SYN1: variants seen among roughly 807,000 people sequenced by gnomAD.
SYN1 encodes the protein synapsin I.
SYN1 carries 8 observed loss-of-function variants against 44.6 expected under a neutral mutation model. The observed-to-expected ratio is 0.18, with a 90% CI of 0.11 to 0.32. The LOEUF is 0.32. Among genes scored for constraint, SYN1 ranks in the 10% least tolerant of loss-of-function variants. The probability of loss-of-function intolerance (pLI) is 1.00; values close to 1 mark genes in which losing one functional copy is unlikely to be tolerated. For missense variants in SYN1, 451 were observed against 639.4 expected (o/e 0.71, Z 3.18); for synonymous variants, 275 against 280.1 (o/e 0.98, Z 0.18).
intron 1 of SYN1, among the ~76,000 whole-genome samples, chrX:47,611,824 C>A (rs190545869): frequency 5.3e-4 from 59 of 111,584 alleles, no homozygotes; most frequent in Admixed American, 5.2e-3. Flanking sequence ...TTTTAGGAAT[C>A]CAGTGGTCCA....
At position 47,575,215 on chromosome X, in the gene SYN1, G is replaced by C. The variant is rs1482108269; in HGVS notation, c.1218C>G (p.Ile406Met). Residue 406 changes from isoleucine to methionine, a missense_variant, in exon 10 of 13, where the codon ATC (isoleucine) becomes ATG (methionine). Ile to Met is a conservative substitution (Grantham distance 10). This residue lies in a region of SYN1 where 315 missense variants were observed against 451.4 expected (regional missense o/e 0.70). Coordinates refer to ENST00000295987, the MANE Select transcript of SYN1 (RefSeq NM_006950.3). Reference sequence around the variant, plus strand: ...CCATCTTGTTGACCACGAGCTCTACGATGAGCTGTTTGTCTTCATCCTGGT... The same window carrying C: ...CCATCTTGTTGACCACGAGCTCTACCATGAGCTGTTTGTCTTCATCCTGGT... ...GDHQDEDKQL[I>M]VELVVNKMAQ... is the part of the protein sequence containing the mutation. The C allele has an allele frequency of 3.3e-6, 4 of 1,206,017 alleles. No homozygotes were observed. The highest frequency in any genetic ancestry group is 4.5e-6 in the Non-Finnish European group (4 of 892,511).
intron 5 of SYN1, among the ~76,000 whole-genome samples, chrX:47,584,654 A>G (rs1427739834): frequency 8.9e-6 from 1 of 112,223 alleles, no homozygotes; most frequent in African/African-American, 3.2e-5. Context: ...TGTCCCTAAC[A>G]CCCAGAACAA....
chrX:47,576,736 TGAGGC>T (rs1409157890), intron 6 of SYN1, 96 bp from the exon 7 acceptor site: 11 of 1,096,324 alleles, frequency 1.0e-5, no homozygotes, highest in Non-Finnish European at 1.4e-5. Flanking sequence ...GACACACAGG[TGAGGC>T]GAGTACACAA....
In SYN1 at chrX:47,606,748, TA is replaced by T. The variant is rs200554334; in HGVS notation, c.527+196del. Among the ~76,000 whole-genome samples the T allele has an allele frequency of 4.1e-3, 404 of 98,861 alleles. 4 individuals carry two copies. The highest frequency in any genetic ancestry group is 0.015 in the African/African-American group (364 of 24,000). 85.8% of individuals were successfully genotyped at this position (98,861 alleles called of 115,157 possible). On this transcript the variant is annotated intron_variant, in intron 3 of 12. Coordinates refer to ENST00000295987, the MANE Select transcript of SYN1 (RefSeq NM_006950.3). ...TGTCTGAAATATATATATATATATA[TA>T]TATTTTTTTTTAAAGTCTGACTTGT...
chrX:47,613,738 C>A (rs1445673694), intron 1 of SYN1, among the ~76,000 whole-genome samples: 1 of 111,477 alleles, frequency 9.0e-6, no homozygotes, highest in East Asian at 2.8e-4. Context: ...GTATTACACA[C>A]CACGCCACCC....
rs759597155 is a variant in SYN1, at chrX:47,577,424, C to T, written c.837+15G>A. Reference sequence around the variant, plus strand: ...AATACACATCTACCTATGCACAGCCCAGCCAGAGACTCACCTTGCCCATCC... The same window carrying T: ...AATACACATCTACCTATGCACAGCCTAGCCAGAGACTCACCTTGCCCATCC... On this transcript the variant is annotated intron_variant, in intron 6 of 12. Transcript: ENST00000295987. 7 of 1,202,795 alleles carry T rather than the reference C, an allele frequency of 5.8e-6. No homozygotes were observed. The highest frequency in any genetic ancestry group is 2.3e-4 in the Middle Eastern group (1 of 4,367).
At position 47,574,671 on chromosome X, in the gene SYN1, G is replaced by A. The variant is rs752041821; in HGVS notation, c.1393+17C>T. On this transcript the variant is annotated intron_variant, in intron 11 of 12. Coordinates refer to ENST00000295987, the MANE Select transcript of SYN1 (RefSeq NM_006950.3). ...CGGGCTGAGGGAGGGGACTGCGACC[G>A]CCAGCCTCTCGCTTACCCTGTGGTG... 39 of 1,169,788 alleles carry A rather than the reference G, an allele frequency of 3.3e-5. No homozygotes were observed. The highest frequency in any genetic ancestry group is 4.5e-5 in the Non-Finnish European group (39 of 872,155).
chrX:47,584,664 A>G (rs2057815034), intron 5 of SYN1, among the ~76,000 whole-genome samples: 1 of 112,334 alleles, frequency 8.9e-6, no homozygotes, highest in South Asian at 3.6e-4. Flanking sequence ...ACCCAGAACA[A>G]TGTCTGGCAC....
At chrX:47,606,810 A>C in intron 3 of SYN1, 135 bp downstream of exon 3, 1 of 589,953 alleles carries the variant, frequency 1.7e-6, no homozygotes, top group Non-Finnish European at 2.7e-6. Context: ...TTCTGAAGAA[A>C]AGTTGTCTCC....
intron 1 of SYN1, among the ~76,000 whole-genome samples, chrX:47,607,521 C>T (rs144700021): frequency 0.017 from 1,841 of 110,552 alleles, 48 homozygotes; most frequent in African/African-American, 0.057. Context: ...ATTAGCAGCA[C>T]TATGTAAATT....
At position 47,575,169 on chromosome X, in the gene SYN1, G is replaced by T. The variant is rs757027813; in HGVS notation, c.1264C>A (p.Arg422=). 27 of 1,192,763 alleles carry T rather than the reference G, an allele frequency of 2.3e-5. No homozygotes were observed. The South Asian group carries it at 3.7e-4, about 16-fold the overall frequency. Residue 422 remains arginine (R), a synonymous_variant, in exon 10 of 13, where the codon CGA becomes AGA. Transcript: ENST00000295987. ...CTGCCAGGGGAGGCATCCCGCTGTC[G>T]CTGCCGGGGCAGGGCCTGAGCCATC... ...NKMAQALPRQ[R]QRDASPGRGS...
rs2057893152 is a variant in SYN1, at chrX:47,605,329, G to A, written c.578C>T (p.Ala193Val). ...CAAACTGCGGTAGTCTCCGTTGCGT[G>A]CCATGCTGAAGGCGTGCTGGCGGAT... is the stretch of plus-strand genomic sequence containing the variant. ...VLIRQHAFSM[A>V]RNGDYRSLVI... Residue 193 changes from alanine to valine, a missense_variant, in exon 4 of 13, where the codon GCA (alanine) becomes GTA (valine). Around this residue, in one of 3 missense-constraint regions of SYN1, gnomAD observed 315 missense variants for 451.4 expected, o/e 0.70. Transcript: ENST00000295987. 1 of 1,211,428 alleles carries A rather than the reference G, an allele frequency of 8.3e-7. No individual in the cohort carries two copies. The highest frequency in any genetic ancestry group is 1.1e-6 in the Non-Finnish European group (1 of 895,276).
chrX:47,605,391 G>A lies in SYN1; in HGVS notation c.528-12C>T, dbSNP rs985489301. On this transcript the variant is annotated splice_polypyrimidine_tract_variant and intron_variant, in intron 3 of 12. Coordinates refer to ENST00000295987, the MANE Select transcript of SYN1 (RefSeq NM_006950.3). ...CCGGCTTCAGAGACCTAGTGTGGCA[G>A]GGGTAGGAGTGTTGAGAGTTCCCCC... 2.5e-6 allele frequency: 3 copies of A among 1,208,313 alleles called. No homozygotes were observed. In the African/African-American group the frequency reaches 5.2e-5, roughly 21 times the overall value.
chrX:47,575,004 G>T (rs2057773017), intron 10 of SYN1, 124 bp downstream of exon 10: 1 of 981,506 alleles, frequency 1.0e-6, no homozygotes. Context: ...ATTGGCAATC[G>T]CAGCCACATG....
intron 5 of SYN1, among the ~76,000 whole-genome samples, chrX:47,592,774 A>T (rs1488500651): frequency 3.6e-5 from 4 of 111,177 alleles, no homozygotes; most frequent in African/African-American, 1.3e-4. Context: ...TTGTTATTGT[A>T]TATGTTTTCT....
intron 1 of SYN1, among the ~76,000 whole-genome samples, chrX:47,618,390 G>A (rs2057937275): frequency 8.9e-6 from 1 of 112,025 alleles, no homozygotes; most frequent in South Asian, 3.6e-4. Flanking sequence ...AATGCTAGAT[G>A]GATCCACCAA....
At chrX:47,575,034 G>A in intron 10 of SYN1, 94 bp downstream of exon 10, 1 of 1,088,005 alleles carries the variant, frequency 9.2e-7, no homozygotes, top group Non-Finnish European at 1.2e-6. Flanking sequence ...GTGATGCTGT[G>A]AGCCTACAGA....
intron 1 of SYN1, among the ~76,000 whole-genome samples, chrX:47,615,650 T>G (rs989405509): frequency 8.9e-6 from 1 of 112,148 alleles, no homozygotes; most frequent in Non-Finnish European, 1.9e-5. Context: ...CTCAAGCCTG[T>G]AATCCCAGCA....
At chrX:47,581,488 A>G (rs1430844939) in intron 5 of SYN1, among the ~76,000 whole-genome samples, 1 of 111,482 alleles carries the variant, frequency 9.0e-6, no homozygotes, top group Non-Finnish European at 1.9e-5. Flanking sequence ...TTCTTTCACC[A>G]TCATTCATGG....
Sources: allele counts gnomAD v4.1 joint callset (sites outside exome capture counted in the v4.1 genomes callset), GRCh38; gene constraint gnomAD v4.1.1; regional missense constraint gnomAD v4.1.1; transcripts MANE v1.5; gene names NCBI Gene and HGNC (gene_info 2026-07-23, HGNC 2026-07-21).